Variants in SYN3 observed in about 807,000 individuals in gnomAD.
The protein encoded by SYN3 is synapsin-3.
Under a neutral mutation model 65.8 loss-of-function variants are expected in SYN3, and 35 were observed. That is an observed-to-expected ratio of 0.53 (90% CI 0.41 to 0.70). The LOEUF is 0.70. SYN3 is among the 30% of genes least tolerant of loss of function. The probability of loss-of-function intolerance (pLI) is 0.00; values close to 1 mark genes in which losing one functional copy is unlikely to be tolerated. For synonymous variants in SYN3, 270 were observed against 292.9 expected, an observed-to-expected ratio of 0.92 and a Z score of 0.80; for missense variants, 680 against 749.0, an observed-to-expected ratio of 0.91 and a Z score of 1.08.
intron 3 of SYN3, among the ~76,000 whole-genome samples, chr22:32,948,750 A>ATAAATAAT (rs1210270177): frequency 5.3e-5 from 8 of 150,930 alleles, no homozygotes; most frequent in African/African-American, 2.0e-4. Flanking sequence ...AAATAAATAA[A>ATAAATAAT]TAAATAAGTT....
intron 6 of SYN3, among the ~76,000 whole-genome samples, chr22:32,669,614 C>T (rs1186696728): frequency 1.3e-5 from 2 of 152,190 alleles, no homozygotes. Flanking sequence ...GTGGTGGGCA[C>T]GTTGTTCTCT....
intron 6 of SYN3, chr22:32,857,508 G>C: frequency 1.4e-6 from 1 of 720,426 alleles, no homozygotes; most frequent in South Asian, 1.5e-5. Context: ...CACTTACCCA[G>C]TGCTAGGAGC....
chr22:32,667,290 C>T (rs2060301875), intron 6 of SYN3, among the ~76,000 whole-genome samples: 3 of 152,152 alleles, frequency 2.0e-5, no homozygotes, highest in Non-Finnish European at 1.5e-5. Context: ...CTTCCTCCTT[C>T]CCTCCCTCCC....
chr22:32,771,110 C>G (rs1053238948), intron 6 of SYN3, among the ~76,000 whole-genome samples: 1 of 152,090 alleles, frequency 6.6e-6, no homozygotes, highest in Non-Finnish European at 1.5e-5. Context: ...TCCCTGTGTC[C>G]ATGTGTTCTC....
intron 6 of SYN3, among the ~76,000 whole-genome samples, chr22:32,618,175 G>A (rs1350676194): frequency 6.6e-6 from 1 of 152,172 alleles, no homozygotes; most frequent in African/African-American, 2.4e-5. Flanking sequence ...CGAACGGACA[G>A]ATCCAGCACA....
chr22:33,029,874 A>C (rs2053718345), intron 1 of SYN3, among the ~76,000 whole-genome samples: 1 of 152,184 alleles, frequency 6.6e-6, no homozygotes, highest in African/African-American at 2.4e-5. Flanking sequence ...TCGGTTATAC[A>C]GAGGCACTTA....
chr22:32,984,783 G>C (rs962072352), intron 2 of SYN3, among the ~76,000 whole-genome samples: 4 of 152,072 alleles, frequency 2.6e-5, no homozygotes, highest in African/African-American at 9.7e-5. Context: ...GGTGGGCCTG[G>C]GACCGGGAAT....
intron 7 of SYN3, among the ~76,000 whole-genome samples, chr22:32,588,977 T>C (rs1229990944): frequency 6.6e-6 from 1 of 152,212 alleles, no homozygotes; most frequent in Non-Finnish European, 1.5e-5. Context: ...CATTGACAGA[T>C]CCACCCCTTT....
At chr22:32,521,706 A>G (rs2057887140) in intron 12 of SYN3, among the ~76,000 whole-genome samples, 1 of 152,168 alleles carries the variant, frequency 6.6e-6, no homozygotes, top group Non-Finnish European at 1.5e-5. Flanking sequence ...TCAGCCTCCC[A>G]AAGTGCTGGG....
At chr22:32,578,107 C>T (rs2058878929) in intron 7 of SYN3, among the ~76,000 whole-genome samples, 1 of 152,226 alleles carries the variant, frequency 6.6e-6, no homozygotes. Context: ...AATACTTCTT[C>T]AATACACGAA....
intron 6 of SYN3, among the ~76,000 whole-genome samples, chr22:32,773,982 G>A (rs545625444): frequency 1.3e-4 from 20 of 152,226 alleles, no homozygotes; most frequent in Admixed American, 3.3e-4. Context: ...GCAAAGGAAG[G>A]GAGATCCGGG....
intron 2 of SYN3, 81 bp from the exon 3 acceptor site, chr22:32,980,783 G>A: frequency 7.9e-7 from 1 of 1,267,388 alleles, no homozygotes; most frequent in Non-Finnish European, 1.1e-6. Flanking sequence ...CCTTACCCCA[G>A]AGGTGCATAT....
chr22:32,971,398 T>C (rs1357494621), intron 3 of SYN3, among the ~76,000 whole-genome samples: 1 of 152,172 alleles, frequency 6.6e-6, no homozygotes, highest in Non-Finnish European at 1.5e-5. Flanking sequence ...GAGGTCAGGG[T>C]AAGCCAAGCC....
Position 32,510,984 on chromosome 22 carries a change from C to CGTGTGTGTGTGTGTGTGTGTGTGTGTGT in SYN3, c.*2680_*2707dup, listed in dbSNP as rs111308299. Among the ~76,000 whole-genome samples, 1 of 142,928 alleles carries CGTGTGTGTGTGTGTGTGTGTGTGTGTGT rather than the reference C, an allele frequency of 7.0e-6. No homozygotes were observed. The highest frequency in any genetic ancestry group is 2.5e-5 in the African/African-American group (1 of 39,274). 93.8% of individuals were successfully genotyped at this position (142,928 alleles called of 152,430 possible). ...TGTCAATTCCAAGTTATTGTCCAGG[C>CGTGTGTGTGTGTGTGTGTGTGTGTGTGT]GTGTGTGTGTGTGTGTGTGTGTGTG... On this transcript the variant is annotated 3_prime_UTR_variant, in exon 14 of 14. Coordinates refer to ENST00000358763, the MANE Select transcript of SYN3 (RefSeq NM_003490.4).
intron 6 of SYN3, among the ~76,000 whole-genome samples, chr22:32,635,983 G>A (rs905563088): frequency 2.0e-5 from 3 of 152,076 alleles, no homozygotes; most frequent in African/African-American, 7.2e-5. Context: ...CTCTACATAC[G>A]TATTTTTTCC....
Position 32,859,097 on chromosome 22 carries a change from G to C in SYN3, c.711+5818C>G, listed in dbSNP as rs757342787. 6.0e-5 allele frequency: 85 copies of C among 1,415,726 alleles called. 2 individuals are homozygous for C. The Middle Eastern group carries it at 4.4e-3, about 73-fold the overall frequency. 87.7% of individuals were successfully genotyped at this position (1,415,726 alleles called of 1,614,324 possible). On this transcript the variant is annotated intron_variant, in intron 6 of 13. Transcript: ENST00000358763. ...CTAGGCTTCCCATGCAGTGGCCCCAGGGTCTGAATCCAGGCTCGGTAGCCT... is the reference window on the plus strand; with the variant it reads ...CTAGGCTTCCCATGCAGTGGCCCCACGGTCTGAATCCAGGCTCGGTAGCCT...
rs569675074 is a variant in SYN3, at chr22:32,601,619, T to G, written c.712-4883A>C. On this transcript the variant is annotated intron_variant, in intron 6 of 13. Coordinates refer to ENST00000358763, the MANE Select transcript of SYN3 (RefSeq NM_003490.4). ...CTTTGACTTGTGGGAAACAGCAATC[T>G]TTTTAGAACCACGTATGGGCTGGCA... Among the ~76,000 whole-genome samples the G allele has an allele frequency of 1.7e-3, 250 of 151,168 alleles. 1 individual carries two copies. The highest frequency in any genetic ancestry group is 0.01 in the Middle Eastern group (3 of 294).
chr22:32,569,563 CTCTCTCTCTATATATA>C (rs1013249759), intron 7 of SYN3, among the ~76,000 whole-genome samples: 4 of 52,888 alleles, frequency 7.6e-5, no homozygotes, highest in African/African-American at 2.3e-4. Context: ...CTCTCTCTCT[CTCTCTCTCTATATATA>C]TATATATATA....
chr22:32,524,668 T>C (rs2057945352), intron 12 of SYN3, among the ~76,000 whole-genome samples: 1 of 152,246 alleles, frequency 6.6e-6, no homozygotes, highest in South Asian at 2.1e-4. Context: ...TCACGTCTTT[T>C]AGTTCATGGA....
Sources: allele counts gnomAD v4.1 joint callset (sites outside exome capture counted in the v4.1 genomes callset), GRCh38; gene constraint gnomAD v4.1.1; transcripts MANE v1.5; gene names NCBI Gene and HGNC (gene_info 2026-07-23, HGNC 2026-07-21).